Variants in DPP10 observed in about 807,000 individuals in gnomAD.
DPP10 encodes inactive dipeptidyl peptidase 10.
Under a neutral mutation model 120.9 loss-of-function variants are expected in DPP10, and 33 were observed. The ratio of observed to expected loss-of-function variants is 0.27; its 90% confidence interval spans 0.21 to 0.37. The LOEUF (loss-of-function observed/expected upper bound fraction) is 0.37, where lower values mean the gene tolerates loss of function less well. Ranked by LOEUF, DPP10 falls within the 10% of genes least tolerant of loss-of-function variation. The pLI, the probability that DPP10 is intolerant of heterozygous loss-of-function variation, is 1.00. For missense variants in DPP10, 816 were observed against 942.8 expected (o/e 0.87, Z 1.76); for synonymous variants, 337 against 326.1 (o/e 1.03, Z -0.36).
At chr2:114,772,164 T>A (rs1419212161) in intron 1 of DPP10, among the ~76,000 whole-genome samples, 1 of 151,326 alleles carries the variant, frequency 6.6e-6, no homozygotes, top group Non-Finnish European at 1.5e-5. Flanking sequence ...ATTATTAATA[T>A]TATTATTTTT....
intron 1 of DPP10, among the ~76,000 whole-genome samples, chr2:114,921,113 G>A (rs1485223955): frequency 4.6e-5 from 7 of 152,170 alleles, no homozygotes; most frequent in Non-Finnish European, 7.4e-5. Context: ...TTACAGTGAT[G>A]TTGTAAAATC....
chr2:115,218,972 T>C (rs1160879659), intron 1 of DPP10, among the ~76,000 whole-genome samples: 1 of 152,138 alleles, frequency 6.6e-6, no homozygotes, highest in Non-Finnish European at 1.5e-5. Context: ...ATACCCATCC[T>C]CATACCCATC....
rs571242810 is a variant in DPP10, at chr2:115,389,972, C to G, written c.271+46060C>G. Reference sequence around the variant, plus strand: ...TCATTGATATTTTATTCCTCATAGGCAGGATCGTGAGGGCATTAGGAAGAA... The same window carrying G: ...TCATTGATATTTTATTCCTCATAGGGAGGATCGTGAGGGCATTAGGAAGAA... On this transcript the variant is annotated intron_variant, in intron 3 of 25. Transcript: ENST00000410059. Among the ~76,000 whole-genome samples, 7 of 152,230 alleles carry G rather than the reference C, an allele frequency of 4.6e-5. No homozygotes were observed. The South Asian group carries it at 1.5e-3, about 32-fold the overall frequency.
At chr2:115,407,982 C>T (rs368268609) in intron 3 of DPP10, among the ~76,000 whole-genome samples, 3 of 151,922 alleles carry the variant, frequency 2.0e-5, no homozygotes, top group African/African-American at 7.3e-5. Flanking sequence ...GGAGAGCAAG[C>T]GTCCCTGATT....
intron 3 of DPP10, among the ~76,000 whole-genome samples, chr2:115,449,656 C>A (rs2072938499): frequency 6.6e-6 from 1 of 152,046 alleles, no homozygotes; most frequent in Admixed American, 6.6e-5. Context: ...AGATTGCATC[C>A]TTTGGAGGCT....
At chr2:114,604,877 G>T (rs1170831481) in intron 1 of DPP10, among the ~76,000 whole-genome samples, 1 of 152,050 alleles carries the variant, frequency 6.6e-6, no homozygotes, top group Non-Finnish European at 1.5e-5. Flanking sequence ...CTGTGAGGTA[G>T]TTAGGACTAT....
At chr2:115,099,716 G>C (rs770038904) in intron 1 of DPP10, among the ~76,000 whole-genome samples, 2 of 152,278 alleles carry the variant, frequency 1.3e-5, no homozygotes, top group African/African-American at 2.4e-5. Context: ...CCCTCATGTA[G>C]AGTGCATGCT....
intron 1 of DPP10, among the ~76,000 whole-genome samples, chr2:114,619,845 T>G (rs1693963491): frequency 6.6e-6 from 1 of 151,902 alleles, no homozygotes; most frequent in South Asian, 2.1e-4. Flanking sequence ...AATATCATCT[T>G]TATCACCCCA....
At chr2:115,525,753 A>T (rs1480033660) in intron 4 of DPP10, 145 bp from the exon 5 acceptor site, 1 of 600,894 alleles carries the variant, frequency 1.7e-6, no homozygotes, top group African/African-American at 1.9e-5. Context: ...AATCATACAT[A>T]CATACATGCA....
chr2:115,657,182 T>A (rs1558988167), intron 5 of DPP10, among the ~76,000 whole-genome samples: 2 of 151,728 alleles, frequency 1.3e-5, no homozygotes, highest in Non-Finnish European at 3.0e-5. Context: ...CAAATTTATT[T>A]AAAAATTTGA....
chr2:114,776,059 T>C (rs1681704244), intron 1 of DPP10, among the ~76,000 whole-genome samples: 1 of 152,046 alleles, frequency 6.6e-6, no homozygotes, highest in African/African-American at 2.4e-5. Flanking sequence ...TTCCCAGAGA[T>C]GGTGAAAAAC....
chr2:115,642,203 A>G (rs1277149532), intron 5 of DPP10, among the ~76,000 whole-genome samples: 1 of 152,148 alleles, frequency 6.6e-6, no homozygotes, highest in African/African-American at 2.4e-5. Context: ...TATTTAACTT[A>G]AAACACCGAG....
At chr2:114,909,899 A>G (rs1260695965) in intron 1 of DPP10, among the ~76,000 whole-genome samples, 3 of 151,996 alleles carry the variant, frequency 2.0e-5, no homozygotes, top group Non-Finnish European at 4.4e-5. Flanking sequence ...AAGCCGCTAT[A>G]AGCAAAAGTC....
intron 5 of DPP10, among the ~76,000 whole-genome samples, chr2:115,595,142 A>G (rs987747559): frequency 2.0e-5 from 3 of 152,072 alleles, no homozygotes; most frequent in African/African-American, 7.2e-5. Flanking sequence ...AAATTAGGCA[A>G]ATATTTTAGA....
chr2:114,896,970 C>A (rs910997271), intron 1 of DPP10, among the ~76,000 whole-genome samples: 81 of 152,274 alleles, frequency 5.3e-4, no homozygotes, highest in Middle Eastern at 3.4e-3. Flanking sequence ...TGTCAAAAGC[C>A]TTTTCTGCAT....
intron 3 of DPP10, among the ~76,000 whole-genome samples, chr2:115,428,293 C>G (rs2070662087): frequency 2.0e-5 from 3 of 152,214 alleles, no homozygotes; most frequent in Non-Finnish European, 2.9e-5. Context: ...TCCACATTTT[C>G]AGCTATTTTT....
chr2:115,449,544 G>C (rs2072928661), intron 3 of DPP10, among the ~76,000 whole-genome samples: 1 of 152,072 alleles, frequency 6.6e-6, no homozygotes, highest in Non-Finnish European at 1.5e-5. Flanking sequence ...GTGCAACATA[G>C]TAAAGCATTA....
chr2:115,017,018 G>A (rs1421638297), intron 1 of DPP10, among the ~76,000 whole-genome samples: 4 of 144,008 alleles, frequency 2.8e-5, no homozygotes, highest in Admixed American at 2.2e-4. Flanking sequence ...GAGAACACAT[G>A]AACACAGGAA....
At chr2:114,989,793 A>G (rs573685851) in intron 1 of DPP10, among the ~76,000 whole-genome samples, 1 of 152,328 alleles carries the variant, frequency 6.6e-6, no homozygotes, top group East Asian at 1.9e-4. Flanking sequence ...GTCTATATGC[A>G]ATTGATCTTT....
Sources: allele counts gnomAD v4.1 joint callset (sites outside exome capture counted in the v4.1 genomes callset), GRCh38; gene constraint gnomAD v4.1.1; transcripts MANE v1.5; gene names NCBI Gene and HGNC (gene_info 2026-07-23, HGNC 2026-07-21).